Variants in AKNAD1 observed in about 807,000 individuals in gnomAD.
The protein encoded by AKNAD1 is protein AKNAD1.
AKNAD1 carries 67 observed loss-of-function variants against 90.8 expected under a neutral mutation model. The observed-to-expected ratio is 0.74, with a 90% CI of 0.61 to 0.90. AKNAD1 has a LOEUF of 0.90. Among genes scored for constraint, AKNAD1 ranks in the 40% least tolerant of loss-of-function variants. The probability of loss-of-function intolerance (pLI) is 0.00; values close to 1 mark genes in which losing one functional copy is unlikely to be tolerated. For synonymous variants in AKNAD1, 327 were observed against 341.4 expected, an observed-to-expected ratio of 0.96 and a Z score of 0.46; for missense variants, 957 against 975.4, an observed-to-expected ratio of 0.98 and a Z score of 0.25.
intron 5 of AKNAD1, among the ~76,000 whole-genome samples, chr1:108,846,374 C>T (rs1664700103): frequency 6.6e-6 from 1 of 152,328 alleles, no homozygotes; most frequent in East Asian, 1.9e-4. Flanking sequence ...CCAGTTTTCT[C>T]TGCTCTGCTC....
chr1:108,843,962 T>C (rs905000970), intron 5 of AKNAD1, among the ~76,000 whole-genome samples: 1 of 152,210 alleles, frequency 6.6e-6, no homozygotes, highest in South Asian at 2.1e-4. Context: ...CTGAGCACTT[T>C]CTATTTCTGG....
At chr1:108,824,142 C>G (rs1427987218) in intron 11 of AKNAD1, among the ~76,000 whole-genome samples, 1 of 152,166 alleles carries the variant, frequency 6.6e-6, no homozygotes, top group Admixed American at 6.5e-5. Flanking sequence ...CATTCATAAG[C>G]CTATAAGGGA....
At chr1:108,842,750 A>G (rs548942029) in intron 6 of AKNAD1, among the ~76,000 whole-genome samples, 8 of 152,116 alleles carry the variant, frequency 5.3e-5, no homozygotes, top group Non-Finnish European at 8.8e-5. Context: ...GCTGAGAGGG[A>G]GAGGAGAGGA....
In AKNAD1 at chr1:108,830,575, G is replaced by A. The variant is rs745341212; in HGVS notation, c.1822C>T (p.Arg608Cys). 2.5e-6 allele frequency: 4 copies of A among 1,614,054 alleles called. No individual in the cohort carries two copies. Among genetic ancestry groups the A allele is most frequent in the Non-Finnish European group, 2.5e-6 (3 of 1,180,004 alleles). Residue 608 changes from arginine (R) to cysteine (C), a missense_variant, in exon 10 of 16, where the codon CGC (arginine) becomes TGC (cysteine). Physicochemically the swap from Arg to Cys is radical, Grantham distance 180. Transcript: ENST00000370001. ...TAPSPSCAFC[R>C]RLLEWKQNVE... is the part of the protein sequence containing the mutation. ...AGCCCTCACCATTCAAGGAGCCTGC[G>A]ACAGAAGGCACAGCTCGGACTGGGT...
At chr1:108,817,892 GCACCAGTGAGCTTTCA>G (rs1474280067) in intron 14 of AKNAD1, among the ~76,000 whole-genome samples, 2 of 152,086 alleles carry the variant, frequency 1.3e-5, no homozygotes, top group African/African-American at 4.8e-5. Flanking sequence ...GTTCATTCTG[GCACCAGTGAGCTTTCA>G]CCCCAAGGAG....
In AKNAD1 at chr1:108,834,448, C is replaced by T; in HGVS notation, c.1745G>A (p.Gly582Glu). 6.2e-7 allele frequency: 1 copy of T among 1,606,846 alleles called. No homozygotes were observed. Among genetic ancestry groups the T allele is most frequent in the Non-Finnish European group, 8.5e-7 (1 of 1,176,544 alleles). The change falls in exon 9 of 16, where the codon GGG becomes GAG. Residue 582 changes from glycine to glutamate, a missense_variant and splice_region_variant. Coordinates refer to ENST00000370001, the MANE Select transcript of AKNAD1 (RefSeq NM_152763.5). ...QVAMRLSSNS[G>E]EDPNGTPRRQ... ...CAGGCCCCGGCTGCAGGACATTACC[C>T]CAGAGTTAGAAGACAGCCTCATGGC...
Position 108,816,156 on chromosome 1 carries a change from T to A in AKNAD1, c.*15A>T, listed in dbSNP as rs1663589089. 2 of 1,568,656 alleles carry A rather than the reference T, an allele frequency of 1.3e-6. No homozygotes were observed. The highest frequency in any genetic ancestry group is 1.4e-5 in the African/African-American group (1 of 72,650). ...GCATTTTTTTCTTTTGAATCCTTGG[T>A]AGCCTAGCGTTGAACTAGTATTTCA... On this transcript the variant is annotated 3_prime_UTR_variant, in exon 16 of 16. Transcript: ENST00000370001.
At chr1:108,823,735 T>C (rs1354525165) in intron 11 of AKNAD1, 47 bp from the exon 12 acceptor site, 2 of 1,613,200 alleles carry the variant, frequency 1.2e-6, no homozygotes, top group Admixed American at 3.3e-5. Context: ...GTCTTGATTA[T>C]AGTCATAAAA....
chr1:108,817,036 C>T lies in AKNAD1; in HGVS notation c.2379+12G>A. On this transcript the variant is annotated intron_variant, in intron 15 of 15. Transcript: ENST00000370001. ...GCTGCAATGCTTCTCGAATGATTTT[C>T]TAAGTCCTCACCTCAGATTTTATTT... The T allele has an allele frequency of 6.2e-7, 1 of 1,613,528 alleles. No homozygotes were observed. The highest frequency in any genetic ancestry group is 8.5e-7 in the Non-Finnish European group (1 of 1,179,752).
chr1:108,830,433 G>C (rs1418010360), intron 10 of AKNAD1, 126 bp downstream of exon 10: 19 of 840,656 alleles, frequency 2.3e-5, no homozygotes, highest in Non-Finnish European at 3.4e-5. Context: ...CTGTGCCCAG[G>C]CCTGAGATCT....
intron 9 of AKNAD1, 35 bp downstream of exon 9, chr1:108,834,409 GAGA>G (rs999667303): frequency 3.3e-5 from 50 of 1,537,374 alleles, no homozygotes; most frequent in Non-Finnish European, 4.3e-5. Context: ...AGCCAACAAT[GAGA>G]AGAACCCAGC....
intron 9 of AKNAD1, among the ~76,000 whole-genome samples, chr1:108,831,469 G>A (rs1442723257): frequency 1.3e-5 from 2 of 152,168 alleles, no homozygotes; most frequent in Non-Finnish European, 2.9e-5. Flanking sequence ...CCAACAGTGT[G>A]GACGGCTCAG....
Position 108,852,285 on chromosome 1 carries a change from C to T in AKNAD1, c.380G>A (p.Gly127Asp). Residue 127 changes from glycine to aspartate, a missense_variant, in exon 2 of 16, where the codon GGC (glycine) becomes GAC (aspartate). Coordinates refer to ENST00000370001, the MANE Select transcript of AKNAD1 (RefSeq NM_152763.5). ...CTCTGGGAGGGTTTCACAATCAATG[C>T]CTTGACCTCTTAAGAATGGCTCTTT... ...LSKEPFLRGQGIDCETLPEIS... is the reference protein window; with the variant it reads ...LSKEPFLRGQDIDCETLPEIS... 2.5e-6 allele frequency: 4 copies of T among 1,614,112 alleles called. No individual in the cohort carries two copies. Among genetic ancestry groups the T allele is most frequent in the East Asian group, 2.2e-5 (1 of 44,884 alleles).
chr1:108,853,321 T>C lies in AKNAD1; in HGVS notation c.-103-554A>G, dbSNP rs182818537. Among the ~76,000 whole-genome samples, 300 of 151,920 alleles carry C rather than the reference T, an allele frequency of 2.0e-3. 2 individuals are homozygous for C. In the East Asian group the frequency reaches 0.026, roughly 13 times the overall value. On this transcript the variant is annotated intron_variant, in intron 1 of 15. Transcript: ENST00000370001. ...TAATTTTTTGTATTTTTAGTAGAGA[T>C]GGGGTTTCACCATATTAGCCAGGAT...
chr1:108,816,226 G>A lies in AKNAD1; in HGVS notation c.2456C>T (p.Thr819Met), dbSNP rs966666421. The change falls in exon 16 of 16, where the codon ACG becomes ATG. Residue 819 changes from threonine to methionine, a missense_variant. Coordinates refer to ENST00000370001, the MANE Select transcript of AKNAD1 (RefSeq NM_152763.5). The part of the protein sequence containing the change: ...LKETTDQMIK[T>M]IAEDLAKAQR... ...TGCTTTAGCAAGGTCTTCTGCAATC[G>A]TTTTAATCATTTGATCTGTAGTTTC... is the stretch of plus-strand genomic sequence containing the variant. 38 of 1,613,514 alleles carry A rather than the reference G, an allele frequency of 2.4e-5. No individual in the cohort carries two copies. The highest frequency in any genetic ancestry group is 4.0e-5 in the African/African-American group (3 of 74,898).
intron 14 of AKNAD1, among the ~76,000 whole-genome samples, chr1:108,818,288 A>T (rs1663691280): frequency 6.6e-6 from 1 of 152,232 alleles, no homozygotes; most frequent in African/African-American, 2.4e-5. Context: ...TATCATCTCC[A>T]GAAAATATCC....
At chr1:108,834,053 A>G (rs1173287364) in intron 9 of AKNAD1, among the ~76,000 whole-genome samples, 5 of 152,178 alleles carry the variant, frequency 3.3e-5, no homozygotes, top group African/African-American at 1.2e-4. Context: ...GAAATGAAAT[A>G]ATCTCTAGAC....
rs1242289119 is a variant in AKNAD1 at position 108,816,150 on chromosome 1, C to G, written c.*21G>C. 1 of 1,551,716 alleles carries G rather than the reference C, an allele frequency of 6.4e-7. No individual in the cohort carries two copies. Among genetic ancestry groups the G allele is most frequent in the African/African-American group, 1.4e-5 (1 of 71,974 alleles). ...TTCTTTGCATTTTTTTCTTTTGAAT[C>G]CTTGGTAGCCTAGCGTTGAACTAGT... On this transcript the variant is annotated 3_prime_UTR_variant, in exon 16 of 16. Transcript: ENST00000370001.
chr1:108,826,052 G>T (rs1049793668), intron 11 of AKNAD1, among the ~76,000 whole-genome samples: 2 of 151,658 alleles, frequency 1.3e-5, no homozygotes, highest in South Asian at 4.2e-4. Context: ...CCCCCGAAAG[G>T]GTTTCAGGAA....
Sources: gnomAD v4.1 joint callset for allele counts (sites outside exome capture counted in the v4.1 genomes callset) on GRCh38, gnomAD v4.1.1 for gene constraint, MANE v1.5 for transcripts, NCBI Gene and HGNC (gene_info 2026-07-23, HGNC 2026-07-21) for gene names.